The following TRAPPC11 variants were observed in gnomAD, a reference collection of about 807,000 sequenced individuals.
The protein encoded by TRAPPC11 is trafficking protein particle complex subunit 11.
Under a neutral mutation model 151.2 loss-of-function variants are expected in TRAPPC11, and 104 were observed. The observed-to-expected ratio is 0.69, with a 90% CI of 0.59 to 0.81. The LOEUF (loss-of-function observed/expected upper bound fraction) is 0.81, where lower values mean the gene tolerates loss of function less well. Ranked by LOEUF, TRAPPC11 falls within the 30% of genes least tolerant of loss-of-function variation. The probability of loss-of-function intolerance (pLI) is 0.00; values close to 1 mark genes in which losing one functional copy is unlikely to be tolerated. For missense variants in TRAPPC11, 1,230 were observed against 1,349.6 expected (o/e 0.91, Z 1.39); for synonymous variants, 456 against 472.3 (o/e 0.97, Z 0.45).
rs928495522 is a variant in TRAPPC11 at position 183,712,744 on chromosome 4, C to T, written c.*100C>T. On this transcript the variant is annotated 3_prime_UTR_variant, in exon 30 of 30. Transcript: ENST00000334690. ...AGCTTTGATCATGGTAAAAAGTTAA[C>T]CTTTTCTATTTTTTAATGGATGTTA... 7.2e-6 allele frequency: 9 copies of T among 1,247,562 alleles called. No homozygotes were observed. In the African/African-American group the frequency reaches 1.0e-4, roughly 15 times the overall value. 77.3% of individuals were successfully genotyped at this position (1,247,562 alleles called of 1,614,324 possible). A position where few individuals can be genotyped will look rare whatever the true frequency, so the allele number is the denominator to read the frequency against.
Position 183,693,580 on chromosome 4 carries a change from T to C in TRAPPC11, c.2238-9T>C, listed in dbSNP as rs938005167. The C allele has an allele frequency of 6.9e-6, 11 of 1,592,540 alleles. No homozygotes were observed. Among genetic ancestry groups the C allele is most frequent in the Non-Finnish European group, 9.4e-6 (11 of 1,174,290 alleles). On this transcript the variant is annotated splice_polypyrimidine_tract_variant and intron_variant, in intron 20 of 29. Transcript: ENST00000334690. ...TGATCAGTTACTTAGCTAAGGTTTC[T>C]TTTCAAAGGATCATATCCAGAGTCC...
At position 183,680,219 on chromosome 4, in the gene TRAPPC11, C is replaced by G; in HGVS notation, c.1065C>G (p.Tyr355Ter). Residue 355 changes from tyrosine (Y) to a stop codon, truncating the protein, a stop_gained, in exon 10 of 30, where the codon TAC (tyrosine) becomes TAG (stop). Transcript: ENST00000334690. LOFTEE classifies it high-confidence loss of function. ...GTTTCTATTACCAGCAGGCAGCATA[C>G]TATGCCCAGGAGCGGAAACAGCTTG... ...NPGFYYQQAA[Y>*]YAQERKQLAK... 6.2e-7 allele frequency: 1 copy of G among 1,614,062 alleles called. No homozygotes were observed. Among genetic ancestry groups the G allele is most frequent in the South Asian group, 1.1e-5 (1 of 91,078 alleles).
chr4:183,681,649 G>A (rs897302730), intron 10 of TRAPPC11, among the ~76,000 whole-genome samples: 12 of 151,938 alleles, frequency 7.9e-5, no homozygotes, highest in Non-Finnish European at 1.3e-4. Flanking sequence ...GTGTGGTGGC[G>A]GGGGCCTGTA....
intron 26 of TRAPPC11, among the ~76,000 whole-genome samples, chr4:183,702,202 G>C (rs1052247635): frequency 5.3e-5 from 8 of 152,072 alleles, no homozygotes; most frequent in African/African-American, 1.9e-4. Flanking sequence ...AAATTAGCTT[G>C]GCTTGTTGAT....
chr4:183,691,439 G>A lies in TRAPPC11; in HGVS notation c.2017G>A (p.Ala673Thr). Residue 673 changes from alanine to threonine, a missense_variant, in exon 19 of 30, where the codon GCA becomes ACA. Transcript: ENST00000334690. ...AAGAAAACTGTTATTTAAGTTTGTT[G>A]CAAAAACTGAAGATGTGGGAAAGAA... ...KTRKLLFKFV[A>T]KTEDVGKKIE... 2 of 1,510,822 alleles carry A rather than the reference G, an allele frequency of 1.3e-6. No individual in the cohort carries two copies. Among genetic ancestry groups the A allele is most frequent in the South Asian group, 1.4e-5 (1 of 70,544 alleles). The allele number at this position is 1,510,822 out of a possible 1,614,324, so 93.6% of individuals were successfully genotyped here. A position where few individuals can be genotyped will look rare whatever the true frequency, so the allele number is the denominator to read the frequency against.
intron 28 of TRAPPC11, among the ~76,000 whole-genome samples, chr4:183,707,244 G>A (rs996087082): frequency 3.3e-5 from 4 of 122,040 alleles, no homozygotes; most frequent in Non-Finnish European, 7.0e-5. Flanking sequence ...ACTGATGAGT[G>A]TGTGTGTTTA....
At chr4:183,692,384 C>G (rs956730735) in intron 19 of TRAPPC11, among the ~76,000 whole-genome samples, 1 of 148,018 alleles carries the variant, frequency 6.8e-6, no homozygotes, top group Admixed American at 6.7e-5. Context: ...AAAAAAAAAA[C>G]TTTCATGATT....
At chr4:183,663,040 C>CTT (rs1249812268) in intron 1 of TRAPPC11, among the ~76,000 whole-genome samples, 2 of 151,918 alleles carry the variant, frequency 1.3e-5, no homozygotes, top group Non-Finnish European at 1.5e-5. Flanking sequence ...TACTCAAAGC[C>CTT]TTTTGCCTTT....
intron 22 of TRAPPC11, 147 bp downstream of exon 22, chr4:183,694,185 A>G: frequency 1.2e-6 from 1 of 863,336 alleles, no homozygotes; most frequent in Non-Finnish European, 1.8e-6. Flanking sequence ...TACACATTTT[A>G]CATACGTAAA....
Position 183,697,732 on chromosome 4 carries a change from C to T in TRAPPC11, c.2748C>T (p.Asp916=). 1.2e-6 allele frequency: 2 copies of T among 1,614,124 alleles called. No individual in the cohort carries two copies. The highest frequency in any genetic ancestry group is 1.7e-6 in the Non-Finnish European group (2 of 1,180,030). The part of the protein sequence containing the change: ...YADIPFLLMT[D]LLSASPWALT... Reference sequence around the variant, plus strand: ...ACATCCCCTTTCTGTTGATGACGGACCTCTTAAGTGCCTCACCCTGGGCCC... The same window carrying T: ...ACATCCCCTTTCTGTTGATGACGGATCTCTTAAGTGCCTCACCCTGGGCCC... The change falls in exon 25 of 30, where the codon GAC becomes GAT. Residue 916 remains aspartate, a synonymous_variant. Coordinates refer to ENST00000334690, the MANE Select transcript of TRAPPC11 (RefSeq NM_021942.6).
intron 26 of TRAPPC11, among the ~76,000 whole-genome samples, chr4:183,703,415 T>C (rs1359174054): frequency 6.6e-6 from 1 of 152,238 alleles, no homozygotes; most frequent in African/African-American, 2.4e-5. Flanking sequence ...TATTGATGTT[T>C]AGTTTTATTT....
At chr4:183,690,486 C>T (rs150944908) in intron 18 of TRAPPC11, among the ~76,000 whole-genome samples, 10 of 152,278 alleles carry the variant, frequency 6.6e-5, no homozygotes, top group African/African-American at 1.4e-4. Context: ...CACTTTGGGA[C>T]GTGCTGAGTT....
chr4:183,677,201 G>A lies in TRAPPC11; in HGVS notation c.735-257G>A, dbSNP rs75260041. On this transcript the variant is annotated intron_variant, in intron 7 of 29. Transcript: ENST00000334690. ...ACAGTTGTCCAATTTCCTTTTTTAA[G>A]TTATCTGTTTGTTACTGACAGATGT... Among the ~76,000 whole-genome samples, 6,781 of 152,200 alleles carry A rather than the reference G, an allele frequency of 0.045. 282 individuals are homozygous for A. Among genetic ancestry groups the A allele is most frequent in the East Asian group, 0.11 (555 of 5,180 alleles).
chr4:183,693,019 G>T lies in TRAPPC11; in HGVS notation c.2109G>T (p.Trp703Cys), dbSNP rs750402625. ...NETGRCVVLN[W>C]QGGGGDAASS... ...CGGGAAGATGTGTGGTTTTAAATTG[G>T]CAGGGAGGAGGAGGAGATGCTGCTT... Residue 703 changes from tryptophan to cysteine, a missense_variant, in exon 20 of 30, where the codon TGG becomes TGT. Trp to Cys is a radical substitution (Grantham distance 215). Transcript: ENST00000334690. 8.1e-6 allele frequency: 13 copies of T among 1,613,668 alleles called. No individual in the cohort carries two copies. The East Asian group carries it at 2.2e-4, about 28-fold the overall frequency.
At chr4:183,682,917 A>AT in intron 11 of TRAPPC11, 92 bp downstream of exon 11, 1 of 841,228 alleles carries the variant, frequency 1.2e-6, no homozygotes, top group Non-Finnish European at 2.0e-6. Context: ...TGCATAAGAA[A>AT]TTATGTTGAA....
intron 18 of TRAPPC11, among the ~76,000 whole-genome samples, chr4:183,689,569 C>T (rs563094403): frequency 6.6e-5 from 10 of 151,066 alleles, no homozygotes; most frequent in Non-Finnish European, 1.0e-4. Context: ...GGCAGAAGGG[C>T]AGGGGTTTTT....
At chr4:183,684,990 A>G (rs575902364) in intron 15 of TRAPPC11, 94 bp from the exon 16 acceptor site, 1 of 1,340,930 alleles carries the variant, frequency 7.5e-7, no homozygotes, top group African/African-American at 1.5e-5. Flanking sequence ...TTAAAGAGGT[A>G]TTTATTATTA....
At chr4:183,676,466 C>T (rs986523188) in intron 7 of TRAPPC11, among the ~76,000 whole-genome samples, 1 of 151,968 alleles carries the variant, frequency 6.6e-6, no homozygotes, top group East Asian at 1.9e-4. Context: ...TCATTTTTAT[C>T]GATGGTATTA....
At chr4:183,693,785 A>C (rs1349875199) in intron 21 of TRAPPC11, 48 bp downstream of exon 21, 3 of 1,605,626 alleles carry the variant, frequency 1.9e-6, no homozygotes. Context: ...CCAACATTAA[A>C]TAAGCATCAG....
Sources: allele counts gnomAD v4.1 joint callset (sites outside exome capture counted in the v4.1 genomes callset), GRCh38; gene constraint gnomAD v4.1.1; transcripts MANE v1.5; gene names NCBI Gene and HGNC (gene_info 2026-07-23, HGNC 2026-07-21).